The following MTUS2 variants were observed in gnomAD, a reference collection of about 807,000 sequenced individuals.
MTUS2 encodes microtubule-associated tumor suppressor candidate 2.
MTUS2 carries 40 observed loss-of-function variants against 114.1 expected under a neutral mutation model. That is an observed-to-expected ratio of 0.35 (90% confidence interval 0.27 to 0.46). The LOEUF is 0.46. Among genes scored for constraint, MTUS2 ranks in the 20% least tolerant of loss-of-function variants. The pLI, the probability that MTUS2 is intolerant of heterozygous loss-of-function variation, is 1.00. For missense variants in MTUS2, 1,679 were observed against 1,705.4 expected, an observed-to-expected ratio of 0.98 and a Z score of 0.27; for synonymous variants, 688 against 672.0, an observed-to-expected ratio of 1.02 and a Z score of -0.37.
intron 4 of MTUS2, among the ~76,000 whole-genome samples, chr13:29,097,776 G>A (rs534290259): frequency 6.6e-6 from 1 of 152,110 alleles, no homozygotes; most frequent in South Asian, 2.1e-4. Flanking sequence ...ATTCACAAGG[G>A]CTCCATTCTT....
intron 8 of MTUS2, among the ~76,000 whole-genome samples, chr13:29,389,655 A>ATATATG (rs1183369832): frequency 1.4e-5 from 2 of 145,498 alleles, no homozygotes; most frequent in East Asian, 4.0e-4. Flanking sequence ...GTATATACGT[A>ATATATG]TATATGTATA....
At chr13:29,095,362 A>G (rs1890133673) in intron 4 of MTUS2, among the ~76,000 whole-genome samples, 1 of 152,090 alleles carries the variant, frequency 6.6e-6, no homozygotes, top group African/African-American at 2.4e-5. Context: ...TAATTATTGT[A>G]TCTTCCTAAT....
intron 2 of MTUS2, among the ~76,000 whole-genome samples, chr13:29,022,150 A>G (rs1467354389): frequency 6.6e-6 from 1 of 152,222 alleles, no homozygotes; most frequent in East Asian, 1.9e-4. Flanking sequence ...GGTATGGGCT[A>G]GAAGAGGCAA....
At chr13:29,295,199 A>G (rs1593271608) in intron 6 of MTUS2, among the ~76,000 whole-genome samples, 1 of 152,190 alleles carries the variant, frequency 6.6e-6, no homozygotes, top group South Asian at 2.1e-4. Context: ...ATTTTGATAC[A>G]TTATACAGTG....
intron 8 of MTUS2, among the ~76,000 whole-genome samples, chr13:29,414,446 A>G (rs1292047124): frequency 3.9e-5 from 4 of 102,886 alleles, no homozygotes; most frequent in African/African-American, 1.5e-4. Flanking sequence ...CCTAAAACTT[A>G]GAGTATAATA....
chr13:29,390,713 GT>G (rs1426789459), intron 8 of MTUS2, among the ~76,000 whole-genome samples: 2 of 151,718 alleles, frequency 1.3e-5, no homozygotes, highest in African/African-American at 2.4e-5. Flanking sequence ...TAAAATCGGT[GT>G]TGGTTTAGGA....
chr13:29,074,455 C>A (rs767491453), intron 4 of MTUS2, among the ~76,000 whole-genome samples: 1 of 152,078 alleles, frequency 6.6e-6, no homozygotes, highest in Non-Finnish European at 1.5e-5. Flanking sequence ...AGGAACTGTG[C>A]GTCATTTTTT....
chr13:28,822,693 AT>A (rs577853390), intron 1 of MTUS2, among the ~76,000 whole-genome samples: 53 of 118,364 alleles, frequency 4.5e-4, no homozygotes, highest in African/African-American at 1.4e-3. Flanking sequence ...GTACTTTTGG[AT>A]TTTTTTTTTA....
At chr13:29,296,490 C>A (rs962612924) in intron 6 of MTUS2, among the ~76,000 whole-genome samples, 5 of 152,116 alleles carry the variant, frequency 3.3e-5, no homozygotes, top group African/African-American at 1.2e-4. Context: ...TTAGCCACAA[C>A]CCCCAGCCTA....
At chr13:29,061,602 G>GTT (rs1565986499) in intron 4 of MTUS2, among the ~76,000 whole-genome samples, 1 of 152,104 alleles carries the variant, frequency 6.6e-6, no homozygotes, top group East Asian at 1.9e-4. Flanking sequence ...CCAAACTTTG[G>GTT]TCTGTATCTT....
intron 5 of MTUS2, among the ~76,000 whole-genome samples, chr13:29,139,876 T>C (rs997244064): frequency 6.6e-6 from 1 of 152,194 alleles, no homozygotes; most frequent in Non-Finnish European, 1.5e-5. Context: ...GGAATAACTA[T>C]CCTCCCCTTC....
intron 2 of MTUS2, among the ~76,000 whole-genome samples, chr13:28,983,932 G>C (rs1250313950): frequency 6.6e-6 from 1 of 152,238 alleles, no homozygotes; most frequent in Non-Finnish European, 1.5e-5. Context: ...ACTCGCAGCT[G>C]TTTGGGCGCT....
At chr13:29,214,285 C>G (rs1895586394) in intron 5 of MTUS2, among the ~76,000 whole-genome samples, 1 of 152,028 alleles carries the variant, frequency 6.6e-6, no homozygotes, top group Admixed American at 6.6e-5. Context: ...GAATACAGCA[C>G]ACCGATGGGT....
chr13:28,883,222 A>G (rs1037958852), intron 2 of MTUS2, among the ~76,000 whole-genome samples: 5 of 152,260 alleles, frequency 3.3e-5, no homozygotes, highest in African/African-American at 1.2e-4. Context: ...TAGTACAGCC[A>G]CCTTGGAATC....
At chr13:29,189,201 G>A (rs913483259) in intron 5 of MTUS2, among the ~76,000 whole-genome samples, 9 of 152,236 alleles carry the variant, frequency 5.9e-5, no homozygotes, top group Non-Finnish European at 1.0e-4. Flanking sequence ...TGGCACACAG[G>A]AGGAGAGGGA....
At chr13:28,868,162 T>C (rs952813006) in intron 2 of MTUS2, among the ~76,000 whole-genome samples, 1 of 152,222 alleles carries the variant, frequency 6.6e-6, no homozygotes, top group East Asian at 1.9e-4. Flanking sequence ...ATTCAGAACC[T>C]AGAGGATTTT....
chr13:29,397,555 T>C (rs1038179322), intron 8 of MTUS2, among the ~76,000 whole-genome samples: 14 of 152,196 alleles, frequency 9.2e-5, no homozygotes, highest in African/African-American at 3.1e-4. Context: ...GAATCTGCAT[T>C]CTAGCAAGAG....
At chr13:28,966,686 C>A (rs979958149) in intron 2 of MTUS2, among the ~76,000 whole-genome samples, 2 of 124,400 alleles carry the variant, frequency 1.6e-5, no homozygotes, top group African/African-American at 6.1e-5. Context: ...GATGGTGTTA[C>A]TGTACTTGAG....
chr13:28,892,063 T>C (rs1878965203), intron 2 of MTUS2, among the ~76,000 whole-genome samples: 2 of 152,038 alleles, frequency 1.3e-5, no homozygotes, highest in South Asian at 2.1e-4. Flanking sequence ...TCTCAGCAAC[T>C]CCCACAGCCT....
Sources: allele counts gnomAD v4.1 joint callset (sites outside exome capture counted in the v4.1 genomes callset), GRCh38; gene constraint gnomAD v4.1.1; transcripts MANE v1.5; gene names NCBI Gene and HGNC (gene_info 2026-07-23, HGNC 2026-07-21).